Variants in TTC6 observed in about 807,000 individuals in gnomAD.
TTC6 encodes the protein tetratricopeptide repeat domain 6.
Under a neutral mutation model 210.4 loss-of-function variants are expected in TTC6, and 172 were observed. The ratio of observed to expected loss-of-function variants is 0.82; its 90% CI spans 0.72 to 0.93. TTC6 has a LOEUF of 0.93. TTC6 is among the 40% of genes least tolerant of loss of function. The pLI is 0.00. For synonymous variants in TTC6, 804 were observed against 819.6 expected, an observed-to-expected ratio of 0.98 and a Z score of 0.32; for missense variants, 2,414 against 2,318.1, an observed-to-expected ratio of 1.04 and a Z score of -0.85.
chr14:37,609,433 A>G (rs1195560955), intron 2 of TTC6, among the ~76,000 whole-genome samples: 2 of 152,132 alleles, frequency 1.3e-5, no homozygotes, highest in African/African-American at 2.4e-5. Flanking sequence ...CAATCAATCA[A>G]TCAATAAACT....
exon 6 of TTC6, chr14:37,714,732 C>T: frequency 6.5e-7 from 1 of 1,535,726 alleles, no homozygotes; most frequent in South Asian, 1.2e-5. Flanking sequence ...GGGATACCAC[C>T]TGAATTGGCA....
Position 37,738,763 on chromosome 14 carries a change from CT to C in TTC6, c.1984-11del. On this transcript the variant is annotated splice_polypyrimidine_tract_variant and intron_variant, in intron 9 of 30. Coordinates refer to ENST00000553443, the Ensembl canonical transcript of TTC6. ...ATTTTACGTTTTTTCTACCTCTTTG[CT>C]TGCTTACTAAGCGAGTAAAATCTTC... 6.9e-7 allele frequency: 1 copy of C among 1,441,292 alleles called. No individual in the cohort carries two copies. The allele number at this position is 1,441,292 out of a possible 1,614,324, so 89.3% of individuals were successfully genotyped here.
At chr14:37,701,625 T>C (rs970347495) in intron 5 of TTC6, 99 bp downstream of exon 7, 1 of 1,156,438 alleles carries the variant, frequency 8.6e-7, no homozygotes, top group Non-Finnish European at 1.2e-6. Context: ...ATTCTGTTCT[T>C]GGACACTAAA....
At chr14:37,703,815 G>C (rs565927636) in intron 5 of TTC6, among the ~76,000 whole-genome samples, 2 of 152,092 alleles carry the variant, frequency 1.3e-5, no homozygotes, top group South Asian at 4.1e-4. Flanking sequence ...CCTTATTTTT[G>C]CTTTAAAAAT....
chr14:37,736,214 C>T (rs2095901157), intron 8 of TTC6, among the ~76,000 whole-genome samples: 1 of 151,934 alleles, frequency 6.6e-6, no homozygotes, highest in Non-Finnish European at 1.5e-5. Flanking sequence ...GGTGAAACCC[C>T]ATCTCTAGTA....
At chr14:37,728,974 A>G (rs2095879268) in intron 7 of TTC6, among the ~76,000 whole-genome samples, 1 of 152,078 alleles carries the variant, frequency 6.6e-6, no homozygotes, top group Non-Finnish European at 1.5e-5. Context: ...AGACATTTTC[A>G]TTGTCATTTA....
intron 16 of TTC6, among the ~76,000 whole-genome samples, chr14:37,791,359 G>T (rs1462376075): frequency 6.6e-6 from 1 of 152,090 alleles, no homozygotes; most frequent in Non-Finnish European, 1.5e-5. Flanking sequence ...AAAGTTAAAT[G>T]CACTAGTCAG....
intron 1 of TTC6, among the ~76,000 whole-genome samples, chr14:37,630,440 A>G (rs1183518334): frequency 6.6e-6 from 1 of 152,166 alleles, no homozygotes; most frequent in Non-Finnish European, 1.5e-5. Flanking sequence ...GTGTTGTTTG[A>G]GAGACTCTTT....
rs1001399511 is a variant in TTC6 at position 37,777,789 on chromosome 14, T to G, written c.3267-9679T>G. Reference sequence around the variant, plus strand: ...GTGTAGGTTTTTTTTTTTTTTTTTTTGATGCTTTTATCTTCTTTGAAGTTT... The same window carrying G: ...GTGTAGGTTTTTTTTTTTTTTTTTTGGATGCTTTTATCTTCTTTGAAGTTT... On this transcript the variant is annotated intron_variant, in intron 14 of 30. Coordinates refer to ENST00000553443, the Ensembl canonical transcript of TTC6. Among the ~76,000 whole-genome samples, 4 of 127,794 alleles carry G rather than the reference T, an allele frequency of 3.1e-5. No homozygotes were observed. The East Asian group carries it at 9.0e-4, about 29-fold the overall frequency. 83.8% of individuals were successfully genotyped at this position (127,794 alleles called of 152,430 possible). A position where few individuals can be genotyped will look rare whatever the true frequency, so the allele number is the denominator to read the frequency against.
At chr14:37,784,827 A>G (rs2096063892) in intron 14 of TTC6, among the ~76,000 whole-genome samples, 1 of 152,108 alleles carries the variant, frequency 6.6e-6, no homozygotes, top group Non-Finnish European at 1.5e-5. Context: ...GTGGTGACAA[A>G]ATCTCTCAGC....
chr14:37,617,385 A>C (rs1404399606), upstream of TTC6, among the ~76,000 whole-genome samples: 3 of 152,208 alleles, frequency 2.0e-5, 1 homozygote, highest in African/African-American at 7.2e-5. Flanking sequence ...GAGCTTTTAT[A>C]GTTATTGAAA....
rs542273976 is a variant in TTC6 at position 37,809,547 on chromosome 14, G to T, written c.4569+701G>T. Among the ~76,000 whole-genome samples the T allele has an allele frequency of 2.0e-5, 3 of 152,220 alleles. No homozygotes were observed. The East Asian group carries it at 5.8e-4, about 29-fold the overall frequency. On this transcript the variant is annotated intron_variant, in intron 24 of 30. Transcript: ENST00000553443. The stretch of plus-strand genomic sequence containing the variant: ...ATTTTTAAAGCAGTAGCAATCACTA[G>T]CAATATTGTGGTTTCAAAATTTTAA...
At chr14:37,699,571 G>A (rs2095820962) in intron 4 of TTC6, among the ~76,000 whole-genome samples, 1 of 152,140 alleles carries the variant, frequency 6.6e-6, no homozygotes. Context: ...ACTTAAAGGA[G>A]ATCAATCTGG....
At chr14:37,712,787 C>G (rs2095846635) in intron 5 of TTC6, among the ~76,000 whole-genome samples, 1 of 152,152 alleles carries the variant, frequency 6.6e-6, no homozygotes, top group Admixed American at 6.6e-5. Flanking sequence ...GTCCCTCCCA[C>G]AACACATGGG....
intron 1 of TTC6, among the ~76,000 whole-genome samples, chr14:37,639,431 C>T (rs2095687307): frequency 6.6e-6 from 1 of 152,130 alleles, no homozygotes; most frequent in South Asian, 2.1e-4. Flanking sequence ...CTTATGCTAG[C>T]ACAAATGATA....
At chr14:37,828,105 A>G (rs889150392) in intron 29 of TTC6, among the ~76,000 whole-genome samples, 1 of 152,074 alleles carries the variant, frequency 6.6e-6, no homozygotes, top group African/African-American at 2.4e-5. Context: ...GAATAAGAAG[A>G]CTTGGATTTT....
At chr14:37,826,247 C>T (rs1356677600) in exon 28 of TTC6, 2 of 1,611,948 alleles carry the variant, frequency 1.2e-6, no homozygotes, top group Middle Eastern at 1.7e-4. Flanking sequence ...GCCATAGATA[C>T]TGATCCAAAG....
chr14:37,622,241 G>A, exon 1 of TTC6: 1 of 1,535,198 alleles, frequency 6.5e-7, no homozygotes, highest in Non-Finnish European at 8.7e-7. Flanking sequence ...CCCCCGGCCC[G>A]GCCCGCCCCG....
intron 5 of TTC6, among the ~76,000 whole-genome samples, chr14:37,708,210 GT>G (rs2095838958): frequency 6.6e-6 from 1 of 151,918 alleles, no homozygotes; most frequent in African/African-American, 2.4e-5. Context: ...ACATATATGA[GT>G]AATTATTTTG....
Sources: gnomAD v4.1 joint callset for allele counts (sites outside exome capture counted in the v4.1 genomes callset) on GRCh38, gnomAD v4.1.1 for gene constraint, MANE v1.5 for transcripts, NCBI Gene and HGNC (gene_info 2026-07-23, HGNC 2026-07-21) for gene names.